Variants in SLC19A1 observed in about 807,000 individuals in gnomAD.
The protein encoded by SLC19A1 is reduced folate transporter.
Under a neutral mutation model 35.3 loss-of-function variants are expected in SLC19A1, and 37 were observed. The ratio of observed to expected loss-of-function variants is 1.05; its 90% CI spans 0.81 to 1.38. The LOEUF (loss-of-function observed/expected upper bound fraction) is 1.38. Among genes scored for constraint, SLC19A1 ranks in the 40% most tolerant of loss-of-function variants. SLC19A1 has a pLI of 0.00. For missense variants in SLC19A1, 831 were observed against 826.9 expected, an observed-to-expected ratio of 1.00 and a Z score of -0.06; for synonymous variants, 460 against 398.5, an observed-to-expected ratio of 1.15 and a Z score of -1.84.
chr21:45,516,247 T>C (rs1419090648), intron 5 of SLC19A1, 107 bp from the exon 6 acceptor site: 1 of 877,220 alleles, frequency 1.1e-6, no homozygotes, highest in African/African-American at 1.7e-5. Context: ...GCTCAGAGGC[T>C]GACCCTGAAC....
At chr21:45,509,230 G>A, downstream of SLC19A1, 1 of 1,315,106 alleles carries the variant, frequency 7.6e-7, no homozygotes, top group Non-Finnish European at 1.0e-6. Flanking sequence ...CCAGAGTCGG[G>A]GGCGCAGCTC....
downstream of SLC19A1, chr21:45,507,585 C>T (rs771752014): frequency 4.3e-6 from 7 of 1,612,930 alleles, no homozygotes; most frequent in East Asian, 2.2e-5. Flanking sequence ...ACCACTCCCA[C>T]GAGGGACGGT....
chr21:45,529,258 G>A (rs773758021), intron 4 of SLC19A1, among the ~76,000 whole-genome samples: 16 of 152,210 alleles, frequency 1.1e-4, no homozygotes, highest in South Asian at 8.3e-4. Flanking sequence ...GTACAGGGCC[G>A]GGCACATCCA....
At position 45,531,962 on chromosome 21, in the gene SLC19A1, A is replaced by G; in HGVS notation, c.376T>C (p.Tyr126His). The G allele has an allele frequency of 6.2e-7, 1 of 1,609,146 alleles. No homozygotes were observed. The highest frequency in any genetic ancestry group is 8.5e-7 in the Non-Finnish European group (1 of 1,178,866). The change falls in exon 3 of 6, where the codon TAC becomes CAC. Residue 126 changes from tyrosine (Y) to histidine (H), a missense_variant. By Grantham distance (83) the Tyr-to-His change is moderately conservative. Coordinates refer to ENST00000311124, the MANE Select transcript of SLC19A1 (RefSeq NM_194255.4). ...VAHMQLMELF[Y>H]SVTMAARIAY... ...ATGCGCGCGGCCATGGTGACGCTGT[A>G]GAAGAGCTCCATGAGCTGCATGTGC...
intron 1 of SLC19A1, among the ~76,000 whole-genome samples, chr21:45,560,534 A>ACCCCCGCTAGGGTGCCCACGGTGGCG (rs1602966966): frequency 1.3e-5 from 2 of 150,908 alleles, no homozygotes; most frequent in African/African-American, 2.5e-5. Context: ...TGGCACTGGC[A>ACCCCCGCTAGGGTGCCCACGGTGGCG]CCATGGTAGG....
At chr21:45,504,105 G>T in intron 3 of SLC19A1, 3 of 1,582,890 alleles carry the variant, frequency 1.9e-6, no homozygotes, top group Non-Finnish European at 2.6e-6. Context: ...TGTACATCCC[G>T]CTGGGTGGCT....
At chr21:45,529,913 C>T (rs2077802628) in intron 4 of SLC19A1, among the ~76,000 whole-genome samples, 1 of 139,788 alleles carries the variant, frequency 7.2e-6, no homozygotes, top group African/African-American at 2.7e-5. Flanking sequence ...TGTGGTGTGT[C>T]CCTGTGAGTG....
downstream of SLC19A1, chr21:45,507,565 A>C: frequency 6.2e-7 from 1 of 1,612,258 alleles, no homozygotes; most frequent in South Asian, 1.1e-5. Context: ...TTCCAGCTGG[A>C]GGCCCGGACA....
At chr21:45,512,412 G>T (rs757955547), downstream of SLC19A1, 4 of 1,610,826 alleles carry the variant, frequency 2.5e-6, no homozygotes, top group Admixed American at 6.7e-5. Flanking sequence ...CCGCCTGGAT[G>T]CGGATGGCCG....
At chr21:45,538,112 A>C in intron 1 of SLC19A1, 104 bp from the exon 2 acceptor site, 2 of 614,498 alleles carry the variant, frequency 3.3e-6, no homozygotes, top group Non-Finnish European at 5.4e-6. Flanking sequence ...TCAGGACCAA[A>C]CGCCACCCTG....
At chr21:45,512,525 G>A (rs369628824), downstream of SLC19A1, 33 of 817,072 alleles carry the variant, frequency 4.0e-5, no homozygotes, top group East Asian at 5.9e-4. Flanking sequence ...TATAGTTCAC[G>A]TTTCATGTAA....
intron 1 of SLC19A1, among the ~76,000 whole-genome samples, chr21:45,538,510 C>T (rs986389024): frequency 1.1e-4 from 17 of 152,282 alleles, no homozygotes; most frequent in African/African-American, 3.6e-4. Flanking sequence ...TGCTGGAGGC[C>T]GGGGTCACAC....
At chr21:45,516,259 C>A (rs1175293512) in intron 5 of SLC19A1, 119 bp from the exon 6 acceptor site, 3 of 769,906 alleles carry the variant, frequency 3.9e-6, no homozygotes, top group Non-Finnish European at 6.3e-6. Context: ...ACCCTGAACA[C>A]TGCACAGCGG....
upstream of SLC19A1, among the ~76,000 whole-genome samples, chr21:45,548,737 C>T (rs968234693): frequency 2.0e-5 from 3 of 151,926 alleles, no homozygotes; most frequent in Non-Finnish European, 4.4e-5. Context: ...GAGTAAGACT[C>T]TGTCTAAAAA....
At chr21:45,511,268 C>A, downstream of SLC19A1, 1 of 1,151,390 alleles carries the variant, frequency 8.7e-7, no homozygotes, top group Non-Finnish European at 1.3e-6. Flanking sequence ...AGAGCCCCAG[C>A]CAGGGAAGGC....
At chr21:45,516,542 C>T (rs1002808218) in intron 5 of SLC19A1, among the ~76,000 whole-genome samples, 4 of 152,210 alleles carry the variant, frequency 2.6e-5, no homozygotes, top group African/African-American at 4.8e-5. Flanking sequence ...AGAGCCACAG[C>T]AGGTGACCAG....
chr21:45,531,488 C>T lies in SLC19A1; in HGVS notation c.850G>A (p.Val284Met), dbSNP rs753057754. Residue 284 changes from valine (V) to methionine (M), a missense_variant, in exon 3 of 6, where the codon GTG (valine) becomes ATG (methionine). By Grantham distance (21) the Val-to-Met change is conservative. Coordinates refer to ENST00000311124, the MANE Select transcript of SLC19A1 (RefSeq NM_194255.4). ...WVFNSAGYYL[V>M]VYYVHILWNE... The stretch of plus-strand genomic sequence containing the variant: ...CACAGGATGTGCACGTAGTAGACCA[C>T]CAGGTAGTAGCCGGCCGAGTTGAAG... The T allele has an allele frequency of 1.9e-6, 3 of 1,612,786 alleles. No homozygotes were observed. The highest frequency in any genetic ancestry group is 2.2e-5 in the South Asian group (2 of 91,080).
At chr21:45,557,995 A>G (rs1333933835) in intron 1 of SLC19A1, among the ~76,000 whole-genome samples, 1 of 152,264 alleles carries the variant, frequency 6.6e-6, no homozygotes, top group African/African-American at 2.4e-5. Flanking sequence ...GGGCATGACC[A>G]GGAGGCCACC....
chr21:45,505,271 C>T, intron 3 of SLC19A1: 2 of 1,608,214 alleles, frequency 1.2e-6, no homozygotes, highest in Non-Finnish European at 8.5e-7. Flanking sequence ...CTGGCCCTCA[C>T]AGGCAGAGTA....
Sources: allele counts gnomAD v4.1 joint callset (sites outside exome capture counted in the v4.1 genomes callset), GRCh38; gene constraint gnomAD v4.1.1; transcripts MANE v1.5; gene names NCBI Gene and HGNC (gene_info 2026-07-23, HGNC 2026-07-21).